Variants in PPARGC1A observed in about 807,000 individuals in gnomAD.
PPARGC1A encodes peroxisome proliferator-activated receptor gamma coactivator 1-alpha.
A neutral mutation model predicts 88.7 loss-of-function variants in PPARGC1A; 25 were observed. That is an observed-to-expected ratio of 0.28 (90% confidence interval 0.21 to 0.39). The LOEUF is 0.39. Ranked by LOEUF, PPARGC1A falls within the 10% of genes least tolerant of loss-of-function variation. The pLI, the probability that PPARGC1A is intolerant of heterozygous loss-of-function variation, is 1.00. For synonymous variants in PPARGC1A, 363 were observed against 355.6 expected, an observed-to-expected ratio of 1.02 and a Z score of -0.24; for missense variants, 880 against 968.7, an observed-to-expected ratio of 0.91 and a Z score of 1.22.
intron 10 of PPARGC1A, among the ~76,000 whole-genome samples, 177 bp from the exon 11 acceptor site, chr4:23,802,522 A>G (rs1718977342): frequency 1.3e-5 from 2 of 151,866 alleles, no homozygotes; most frequent in South Asian, 4.2e-4. Flanking sequence ...TACTAAAAAT[A>G]CAAAAATTGG....
At position 23,802,307 on chromosome 4, in the gene PPARGC1A, A is replaced by T. The variant is rs370801615; in HGVS notation, c.2058T>A (p.Pro686=). The T allele has an allele frequency of 1.9e-6, 3 of 1,613,932 alleles. No homozygotes were observed. In the African/African-American group the frequency reaches 4.0e-5, roughly 22 times the overall value. The part of the protein sequence containing the change: ...RRVIYVGKIR[P]DTTRTELRDR... ...CCCTCAGTTCTGTCCGTGTTGTGTC[A>T]GGTCTGATTTTACCGACATAAATCA... Residue 686 remains proline (P), a synonymous_variant, in exon 11 of 13, where the codon CCT becomes CCA. Transcript: ENST00000264867.
chr4:24,367,140 ATCAC>A, the PPARGC1A span, among the ~76,000 whole-genome samples: 1 of 152,194 alleles, frequency 6.6e-6, no homozygotes, highest in Non-Finnish European at 1.5e-5. Context: ...ATGATTCGTA[ATCAC>A]TAGTAAGAGC....
chr4:24,010,362 T>C, the PPARGC1A span, among the ~76,000 whole-genome samples: 2 of 152,154 alleles, frequency 1.3e-5, no homozygotes, highest in East Asian at 3.9e-4. Context: ...AAGGAGGGAG[T>C]AATTCAGAAA....
At chr4:23,934,300 G>A in the PPARGC1A span, among the ~76,000 whole-genome samples, 1 of 152,178 alleles carries the variant, frequency 6.6e-6, no homozygotes, top group Non-Finnish European at 1.5e-5. Context: ...GAGAGCTGTG[G>A]TAACAACAGC....
intron 2 of PPARGC1A, among the ~76,000 whole-genome samples, chr4:23,840,054 C>T (rs1485591109): frequency 6.6e-6 from 1 of 152,054 alleles, no homozygotes; most frequent in African/African-American, 2.4e-5. Context: ...TTATTCTCAA[C>T]ACAGAAGACG....
At chr4:23,988,909 TTATTA>T in the PPARGC1A span, among the ~76,000 whole-genome samples, 2 of 147,304 alleles carry the variant, frequency 1.4e-5, no homozygotes, top group African/African-American at 4.9e-5. Context: ...TAAATAGATA[TTATTA>T]TATAATATAT....
intron 7 of PPARGC1A, among the ~76,000 whole-genome samples, chr4:23,823,564 G>T (rs571818989): frequency 6.6e-6 from 1 of 152,052 alleles, no homozygotes; most frequent in South Asian, 2.1e-4. Flanking sequence ...ACACACAAAA[G>T]CTACTCCTAA....
At chr4:24,301,331 C>G in the PPARGC1A span, among the ~76,000 whole-genome samples, 1 of 152,104 alleles carries the variant, frequency 6.6e-6, no homozygotes, top group African/African-American at 2.4e-5. Context: ...GAGAATTGAA[C>G]TCTAGCTGTT....
the PPARGC1A span, among the ~76,000 whole-genome samples, chr4:24,256,412 A>G: frequency 6.6e-6 from 1 of 152,206 alleles, no homozygotes; most frequent in Non-Finnish European, 1.5e-5. Context: ...AAAGGTTCAG[A>G]GCTGTTTAAA....
the PPARGC1A span, among the ~76,000 whole-genome samples, chr4:23,996,790 C>T: frequency 6.6e-6 from 1 of 152,312 alleles, no homozygotes; most frequent in East Asian, 1.9e-4. Context: ...ATTGGCAATA[C>T]ATAAATGAAT....
chr4:24,197,017 T>C, the PPARGC1A span, among the ~76,000 whole-genome samples: 3 of 152,200 alleles, frequency 2.0e-5, no homozygotes, highest in African/African-American at 7.2e-5. Context: ...AGTGGTTCCA[T>C]AAAAAACTTA....
intron 2 of PPARGC1A, among the ~76,000 whole-genome samples, chr4:23,841,271 C>G (rs977036067): frequency 6.6e-6 from 1 of 152,052 alleles, no homozygotes; most frequent in African/African-American, 2.4e-5. Flanking sequence ...TTGATGTAAT[C>G]TATCTGAACT....
At chr4:24,007,045 G>A in the PPARGC1A span, among the ~76,000 whole-genome samples, 7 of 152,124 alleles carry the variant, frequency 4.6e-5, no homozygotes, top group South Asian at 6.2e-4. Context: ...ATAATCAATA[G>A]TATGTCATAG....
At chr4:24,360,780 C>T in the PPARGC1A span, among the ~76,000 whole-genome samples, 1 of 152,146 alleles carries the variant, frequency 6.6e-6, no homozygotes, top group Non-Finnish European at 1.5e-5. Context: ...ATAGGTAATG[C>T]AATGCTTGGA....
At chr4:24,049,731 A>T in the PPARGC1A span, among the ~76,000 whole-genome samples, 3 of 151,968 alleles carry the variant, frequency 2.0e-5, no homozygotes, top group Non-Finnish European at 4.4e-5. Flanking sequence ...TCCCTTTTTC[A>T]TTATCTAAGA....
chr4:23,952,562 T>C, the PPARGC1A span, among the ~76,000 whole-genome samples: 5 of 152,124 alleles, frequency 3.3e-5, no homozygotes, highest in African/African-American at 1.2e-4. Flanking sequence ...ATGAATGCTG[T>C]GTCCTCTTTT....
the PPARGC1A span, among the ~76,000 whole-genome samples, chr4:24,210,494 C>T: frequency 6.6e-6 from 1 of 152,210 alleles, no homozygotes; most frequent in Admixed American, 6.5e-5. Flanking sequence ...GGAATTTCAA[C>T]AGTGATCTAT....
the PPARGC1A span, among the ~76,000 whole-genome samples, chr4:24,232,429 T>C: frequency 6.6e-6 from 1 of 152,168 alleles, no homozygotes; most frequent in Admixed American, 6.5e-5. Context: ...CCAACTTCCT[T>C]TGGACTGGCA....
intron 1 of PPARGC1A, among the ~76,000 whole-genome samples, chr4:23,895,953 T>A (rs1452622134): frequency 8.2e-5 from 4 of 49,002 alleles, no homozygotes; most frequent in African/African-American, 7.9e-4. Flanking sequence ...TGTGTGTGTG[T>A]GTGTGTGTGT....
Sources: allele counts gnomAD v4.1 joint callset (sites outside exome capture counted in the v4.1 genomes callset), GRCh38; gene constraint gnomAD v4.1.1; transcripts MANE v1.5; gene names NCBI Gene and HGNC (gene_info 2026-07-23, HGNC 2026-07-21).